FUT8: variants seen among roughly 807,000 people sequenced by gnomAD.
The protein encoded by FUT8 is fucosyltransferase 8.
In FUT8, 29 loss-of-function variants were observed where a neutral mutation model predicts 71.3. That is an observed-to-expected ratio of 0.41 (90% CI 0.30 to 0.55). FUT8 has a LOEUF of 0.55. Ranked by LOEUF, FUT8 falls within the 20% of genes least tolerant of loss-of-function variation. The pLI is 0.34. For synonymous variants in FUT8, 254 were observed against 239.3 expected, an observed-to-expected ratio of 1.06 and a Z score of -0.57; for missense variants, 544 against 702.1, an observed-to-expected ratio of 0.77 and a Z score of 2.55.
At chr14:65,389,182 TA>T in the FUT8 span, among the ~76,000 whole-genome samples, 103 of 139,142 alleles carry the variant, frequency 7.4e-4, no homozygotes, top group South Asian at 0.021. Flanking sequence ...CATATATATA[TA>T]AAAAAATTAT....
chr14:65,559,759 C>T (rs1056017449), intron 2 of FUT8, among the ~76,000 whole-genome samples: 30 of 151,892 alleles, frequency 2.0e-4, no homozygotes, highest in African/African-American at 7.2e-4. Flanking sequence ...ATTTTTTTTA[C>T]ATAAGATGAA....
rs116519949 is a variant in FUT8, at chr14:65,476,481, A to G, written c.-228+20763A>G. ...AATGTTTTGAGCTGTGTGAAACTCA[A>G]TTTTGCTTAGTGTGTTAAGTACAAC... On this transcript the variant is annotated intron_variant, in intron 2 of 10. Coordinates refer to ENST00000673929, the MANE Select transcript of FUT8 (RefSeq NM_001371533.1). Among the ~76,000 whole-genome samples the G allele has an allele frequency of 1.3e-3, 196 of 152,286 alleles. 1 individual carries two copies. Among genetic ancestry groups the G allele is most frequent in the African/African-American group, 4.5e-3 (185 of 41,542 alleles).
intron 2 of FUT8, among the ~76,000 whole-genome samples, chr14:65,486,185 G>A (rs1224092068): frequency 6.6e-6 from 1 of 151,992 alleles, no homozygotes; most frequent in Non-Finnish European, 1.5e-5. Context: ...AATTGTATTG[G>A]CAATTTTCTT....
upstream of FUT8, chr14:65,410,755 CTAGAAG>C (rs1228697274): frequency 2.0e-5 from 3 of 151,972 alleles, no homozygotes; most frequent in Non-Finnish European, 4.4e-5. Flanking sequence ...TATTAACCAA[CTAGAAG>C]TAGTTCTTTT....
intron 2 of FUT8, among the ~76,000 whole-genome samples, chr14:65,549,421 C>A (rs1427720800): frequency 1.3e-5 from 2 of 151,560 alleles, no homozygotes; most frequent in South Asian, 4.2e-4. Flanking sequence ...GTATGGTTTA[C>A]CCCCCAATCT....
intron 6 of FUT8, among the ~76,000 whole-genome samples, chr14:65,641,152 G>T (rs1890810204): frequency 6.6e-6 from 1 of 152,176 alleles, no homozygotes; most frequent in Non-Finnish European, 1.5e-5. Context: ...GTGTGCTCAT[G>T]TCCGTTTGTG....
At chr14:65,653,311 A>G (rs1436646307) in intron 6 of FUT8, among the ~76,000 whole-genome samples, 1 of 152,144 alleles carries the variant, frequency 6.6e-6, no homozygotes, top group Non-Finnish European at 1.5e-5. Flanking sequence ...GACCATCTCG[A>G]TGTCATTCAT....
chr14:65,430,024 T>C lies in FUT8; in HGVS notation c.-326+16810T>C, dbSNP rs1471838409. On this transcript the variant is annotated intron_variant, in intron 1 of 10. Transcript: ENST00000673929. The stretch of plus-strand genomic sequence containing the variant: ...TTATTGCAAGAATCTTTTTTTGTTT[T>C]TGTTTTTTTTTTTGAGACAGGGTAT... Among the ~76,000 whole-genome samples the C allele has an allele frequency of 3.8e-5, 3 of 78,884 alleles. No individual in the cohort carries two copies. In the East Asian group the frequency reaches 2.8e-3, roughly 73 times the overall value. 51.8% of individuals were successfully genotyped at this position (78,884 alleles called of 152,430 possible). A position where few individuals can be genotyped will look rare whatever the true frequency, so the allele number is the denominator to read the frequency against.
In FUT8 at chr14:65,691,621, A is replaced by ATTTC. The variant is rs532611759; in HGVS notation, c.835+22143_835+22144insTCTT. Among the ~76,000 whole-genome samples the ATTTC allele has an allele frequency of 5.0e-3, 768 of 152,128 alleles. 6 individuals are homozygous for ATTTC. Among genetic ancestry groups the ATTTC allele is most frequent in the African/African-American group, 0.018 (735 of 41,448 alleles). On this transcript the variant is annotated intron_variant, in intron 7 of 10. Coordinates refer to ENST00000673929, the MANE Select transcript of FUT8 (RefSeq NM_001371533.1). ...TCTTTATTTATTTATTTATTTATTT[A>ATTTC]TTGATCATTCTTGGGTGTTTCTCGC... is the stretch of plus-strand genomic sequence containing the variant.
upstream of FUT8, chr14:65,412,506 G>A (rs2065146243): frequency 2.8e-6 from 1 of 360,444 alleles, no homozygotes; most frequent in Non-Finnish European, 5.5e-6. Flanking sequence ...CTGTGTGCGA[G>A]CCGGAGCCGG....
intron 1 of FUT8, among the ~76,000 whole-genome samples, chr14:65,455,357 G>T (rs1410749550): frequency 6.6e-6 from 1 of 152,188 alleles, no homozygotes; most frequent in Non-Finnish European, 1.5e-5. Context: ...CAAGTTATAT[G>T]AGCGCTAACT....
chr14:65,499,170 C>T (rs1164918684), intron 2 of FUT8, among the ~76,000 whole-genome samples: 1 of 152,194 alleles, frequency 6.6e-6, no homozygotes, highest in Non-Finnish European at 1.5e-5. Flanking sequence ...CTGCCTCAAC[C>T]TCCCAAGTTG....
At chr14:65,394,113 T>C in the FUT8 span, among the ~76,000 whole-genome samples, 1 of 152,168 alleles carries the variant, frequency 6.6e-6, no homozygotes, top group East Asian at 1.9e-4. Context: ...TGCACCACCA[T>C]GCCTGGCTAA....
At chr14:65,672,275 T>G (rs1211549944) in intron 7 of FUT8, among the ~76,000 whole-genome samples, 2 of 152,228 alleles carry the variant, frequency 1.3e-5, no homozygotes, top group African/African-American at 4.8e-5. Flanking sequence ...ATAGTTTATG[T>G]GCCCTAAGGT....
At chr14:65,692,464 C>CCA (rs1893695468) in intron 7 of FUT8, among the ~76,000 whole-genome samples, 10 of 118,410 alleles carry the variant, frequency 8.4e-5, no homozygotes, top group Non-Finnish European at 1.7e-4. Context: ...GGCTGACCCC[C>CCA]CCACCTCCCT....
At chr14:65,510,512 T>G (rs1882264771) in intron 2 of FUT8, among the ~76,000 whole-genome samples, 1 of 152,174 alleles carries the variant, frequency 6.6e-6, no homozygotes, top group Non-Finnish European at 1.5e-5. Flanking sequence ...GTATTAGTTC[T>G]TCTTTAAATG....
intron 2 of FUT8, among the ~76,000 whole-genome samples, chr14:65,494,723 G>A (rs538092764): frequency 2.6e-5 from 4 of 151,986 alleles, no homozygotes; most frequent in South Asian, 2.1e-4. Flanking sequence ...TTTAAGCCCC[G>A]CATGCATTAG....
intron 2 of FUT8, among the ~76,000 whole-genome samples, chr14:65,469,902 C>G (rs1024401979): frequency 1.3e-5 from 2 of 152,230 alleles, no homozygotes; most frequent in South Asian, 4.1e-4. Context: ...AAAGGCACCA[C>G]AAGCCCCCAC....
At chr14:65,398,597 G>A in the FUT8 span, among the ~76,000 whole-genome samples, 10 of 152,066 alleles carry the variant, frequency 6.6e-5, no homozygotes, top group African/African-American at 2.4e-4. Flanking sequence ...TTAGCTGGGT[G>A]TGGTGATGTG....
Sources: gnomAD v4.1 joint callset for allele counts (sites outside exome capture counted in the v4.1 genomes callset) on GRCh38, gnomAD v4.1.1 for gene constraint, MANE v1.5 for transcripts, NCBI Gene and HGNC (gene_info 2026-07-23, HGNC 2026-07-21) for gene names.